The following WDFY4 variants were observed in gnomAD, a reference collection of about 807,000 sequenced individuals.
WDFY4 encodes WD repeat- and FYVE domain-containing protein 4.
In WDFY4, 169 loss-of-function variants were observed where a neutral mutation model predicts 351.9. The observed-to-expected ratio is 0.48, with a 90% CI of 0.42 to 0.55. The LOEUF is 0.55. Among genes scored for constraint, WDFY4 ranks in the 20% least tolerant of loss-of-function variants. The pLI is 0.00. For synonymous variants in WDFY4, 1,622 were observed against 1,574.6 expected, an observed-to-expected ratio of 1.03 and a Z score of -0.71; for missense variants, 3,803 against 3,935.6, an observed-to-expected ratio of 0.97 and a Z score of 0.90.
At chr10:48,756,795 T>C (rs762618707) in intron 12 of WDFY4, among the ~76,000 whole-genome samples, 7 of 152,130 alleles carry the variant, frequency 4.6e-5, no homozygotes, top group African/African-American at 7.2e-5. Context: ...GGTAGTCCAA[T>C]TGGCCATAGT....
intron 47 of WDFY4, chr10:48,913,277 G>A (rs2663055): frequency 0.38 from 365,680 of 972,950 alleles, 74,940 homozygotes; most frequent in Non-Finnish European, 0.43. Context: ...TATGGGCTTG[G>A]CTGAAAGAGC....
intron 40 of WDFY4, 63 bp downstream of exon 40, chr10:48,867,405 A>G: frequency 8.5e-7 from 1 of 1,170,260 alleles, no homozygotes; most frequent in Non-Finnish European, 1.2e-6. Flanking sequence ...AACCTGAAAA[A>G]TAATTGGAAG....
chr10:48,973,913 C>T (rs931701068), intron 57 of WDFY4, among the ~76,000 whole-genome samples: 7 of 152,190 alleles, frequency 4.6e-5, no homozygotes, highest in African/African-American at 9.7e-5. Context: ...CTATCAGACT[C>T]GAAAAGCCCC....
intron 57 of WDFY4, among the ~76,000 whole-genome samples, chr10:48,971,460 C>T (rs1337053453): frequency 6.6e-6 from 1 of 151,570 alleles, no homozygotes; most frequent in Non-Finnish European, 1.5e-5. Flanking sequence ...TGCGCCACTA[C>T]ACTCCAGCCT....
chr10:48,800,532 G>A (rs1166476084), intron 24 of WDFY4, among the ~76,000 whole-genome samples: 1 of 151,702 alleles, frequency 6.6e-6, no homozygotes, highest in Non-Finnish European at 1.5e-5. Flanking sequence ...AGGGAAGGAG[G>A]GACAGGAAGC....
intron 39 of WDFY4, among the ~76,000 whole-genome samples, chr10:48,861,659 T>C (rs2069349081): frequency 6.6e-6 from 1 of 152,210 alleles, no homozygotes; most frequent in Non-Finnish European, 1.5e-5. Flanking sequence ...CTGACTATAA[T>C]GTGTCTTGAC....
In WDFY4 at chr10:48,719,753, G is replaced by A. The variant is rs561425101; in HGVS notation, c.235-258G>A. 9.8e-5 allele frequency among the ~76,000 whole-genome samples: 15 copies of A among 152,328 alleles called. No homozygotes were observed. The South Asian group carries it at 2.3e-3, about 23-fold the overall frequency. The stretch of plus-strand genomic sequence containing the variant: ...AGATGCAGCAGGCTGTGGGGAAGGC[G>A]GTGGACTGGGCTCTGTGTGTTTGAC... On this transcript the variant is annotated intron_variant, in intron 2 of 61. Transcript: ENST00000325239.
chr10:48,822,785 T>C (rs754533741), intron 35 of WDFY4, among the ~76,000 whole-genome samples: 4 of 152,242 alleles, frequency 2.6e-5, no homozygotes, highest in African/African-American at 9.6e-5. Context: ...CACTTGCACC[T>C]GAGCTCTGTA....
At chr10:48,850,545 A>G (rs2133171298) in intron 39 of WDFY4, among the ~76,000 whole-genome samples, 1 of 152,288 alleles carries the variant, frequency 6.6e-6, no homozygotes, top group Admixed American at 6.5e-5. Context: ...ATACAATTCC[A>G]CTATAACCCT....
intron 11 of WDFY4, among the ~76,000 whole-genome samples, chr10:48,739,497 A>C (rs530669341): frequency 6.6e-6 from 1 of 152,350 alleles, no homozygotes; most frequent in South Asian, 2.1e-4. Flanking sequence ...GTTCCTGACA[A>C]ATCATTTCCC....
intron 47 of WDFY4, among the ~76,000 whole-genome samples, chr10:48,920,547 G>A (rs1838978158): frequency 6.6e-6 from 1 of 151,894 alleles, no homozygotes; most frequent in East Asian, 1.9e-4. Flanking sequence ...GAAAAAAAAA[G>A]CTAGAGCTAG....
chr10:48,856,422 C>T, intron 39 of WDFY4, among the ~76,000 whole-genome samples: 1 of 152,096 alleles, frequency 6.6e-6, no homozygotes, highest in Non-Finnish European at 1.5e-5. Flanking sequence ...AAATACTCCT[C>T]TCTTTTTCAA....
rs1187564684 is a variant in WDFY4, at chr10:48,727,513, C to G, written c.825C>G (p.Leu275=). The change falls in exon 7 of 62, where the codon CTC becomes CTG. Residue 275 remains leucine (L), a synonymous_variant. Coordinates refer to ENST00000325239, the MANE Select transcript of WDFY4 (RefSeq NM_001394531.1). The stretch of plus-strand genomic sequence containing the variant: ...TCTCCCTCCAGAACCTCTCCAGGCT[C>G]ACGGACACTCTCCCTGCCCCTGAAG... ...VRLSLQNLSR[L]TDTLPAPEVS... 1 of 1,551,802 alleles carries G rather than the reference C, an allele frequency of 6.4e-7. No homozygotes were observed. Among genetic ancestry groups the G allele is most frequent in the Non-Finnish European group, 8.7e-7 (1 of 1,147,024 alleles).
chr10:48,727,597 G>A lies in WDFY4; in HGVS notation c.909G>A (p.Ser303=), dbSNP rs757757564. ...TGAAGGACTCCTACCCCGTCTCCTC[G>A]GCTCTGTTCCTGGAGTTTGAGAATT... ...GFVKDSYPVS[S]ALFLEFENSE... is the part of the protein sequence containing the mutation. The change falls in exon 7 of 62, where the codon TCG becomes TCA. Residue 303 remains serine, a synonymous_variant. Coordinates refer to ENST00000325239, the MANE Select transcript of WDFY4 (RefSeq NM_001394531.1). 66 of 1,551,984 alleles carry A rather than the reference G, an allele frequency of 4.3e-5. 2 individuals carry two copies. In the South Asian group the frequency reaches 5.2e-4, roughly 12 times the overall value.
chr10:48,751,343 C>T (rs193068287), intron 12 of WDFY4, among the ~76,000 whole-genome samples: 1 of 152,294 alleles, frequency 6.6e-6, no homozygotes, highest in East Asian at 1.9e-4. Flanking sequence ...AGGTTTGTTC[C>T]TGCCTTCTGT....
intron 9 of WDFY4, 134 bp downstream of exon 9, chr10:48,731,696 C>A: frequency 9.2e-7 from 1 of 1,089,968 alleles, no homozygotes; most frequent in Non-Finnish European, 1.3e-6. Context: ...ATGCTTGGGA[C>A]ACACAGTTTC....
At chr10:48,710,084 T>G in intron 2 of WDFY4, 118 bp downstream of exon 2, 1 of 974,108 alleles carries the variant, frequency 1.0e-6, no homozygotes, top group Non-Finnish European at 1.5e-6. Context: ...GATTGGTTGC[T>G]CAGGGGAGTG....
chr10:48,858,550 C>T (rs1406698840), intron 39 of WDFY4, among the ~76,000 whole-genome samples: 1 of 152,162 alleles, frequency 6.6e-6, no homozygotes, highest in African/African-American at 2.4e-5. Flanking sequence ...TCTTCTGTTC[C>T]ACTGATCTAT....
At chr10:48,729,804 C>T (rs1278356118) in intron 8 of WDFY4, among the ~76,000 whole-genome samples, 6 of 152,196 alleles carry the variant, frequency 3.9e-5, no homozygotes, top group Non-Finnish European at 1.5e-5. Context: ...CGGAGGCAGC[C>T]TCTACTTCTC....
Sources: allele counts gnomAD v4.1 joint callset (sites outside exome capture counted in the v4.1 genomes callset), GRCh38; gene constraint gnomAD v4.1.1; transcripts MANE v1.5; gene names NCBI Gene and HGNC (gene_info 2026-07-23, HGNC 2026-07-21).